The following EPHA3 variants were observed in gnomAD, a reference collection of about 807,000 sequenced individuals.
EPHA3 encodes ephrin type-A receptor 3.
Under a neutral mutation model 107.1 loss-of-function variants are expected in EPHA3, and 42 were observed. The observed-to-expected ratio is 0.39, with a 90% confidence interval of 0.31 to 0.51. The LOEUF (loss-of-function observed/expected upper bound fraction) is 0.51, where lower values mean the gene tolerates loss of function less well. Ranked by LOEUF, EPHA3 falls within the 20% of genes least tolerant of loss-of-function variation. The pLI is 0.78. For synonymous variants in EPHA3, 461 were observed against 424.8 expected (o/e 1.09, Z -1.05); for missense variants, 1,183 against 1,211.2 (o/e 0.98, Z 0.35).
intron 5 of EPHA3, among the ~76,000 whole-genome samples, chr3:89,394,887 A>G (rs766687859): frequency 3.9e-5 from 6 of 152,188 alleles, no homozygotes; most frequent in Non-Finnish European, 7.3e-5. Context: ...GGTGCCACTG[A>G]ACTCCAGTGA....
intron 6 of EPHA3, 135 bp downstream of exon 6, chr3:89,396,096 C>G: frequency 8.4e-7 from 1 of 1,194,928 alleles, no homozygotes; most frequent in Non-Finnish European, 1.1e-6. Flanking sequence ...CCTGTGACCC[C>G]TTTGATTTAT....
At chr3:89,152,391 C>T (rs1704708401) in intron 2 of EPHA3, among the ~76,000 whole-genome samples, 1 of 152,046 alleles carries the variant, frequency 6.6e-6, no homozygotes, top group African/African-American at 2.4e-5. Context: ...TCTCTTTCCA[C>T]CCACAACCTC....
chr3:89,343,680 C>T (rs1475022229), intron 5 of EPHA3, among the ~76,000 whole-genome samples: 1 of 152,156 alleles, frequency 6.6e-6, no homozygotes, highest in Non-Finnish European at 1.5e-5. Flanking sequence ...CTTCTGGTCT[C>T]ATATATTGAT....
intron 7 of EPHA3, among the ~76,000 whole-genome samples, chr3:89,402,361 TC>T (rs1306887926): frequency 6.6e-6 from 1 of 152,174 alleles, no homozygotes; most frequent in African/African-American, 2.4e-5. Context: ...TTTTTCTCCC[TC>T]CTCATTTATT....
chr3:89,147,999 A>C (rs149022928), intron 2 of EPHA3, among the ~76,000 whole-genome samples: 4 of 151,878 alleles, frequency 2.6e-5, no homozygotes, highest in African/African-American at 9.7e-5. Context: ...AAACACCATG[A>C]GAAAGAAAAA....
chr3:89,303,561 A>G (rs1369826294), intron 3 of EPHA3, among the ~76,000 whole-genome samples: 1 of 151,994 alleles, frequency 6.6e-6, no homozygotes, highest in East Asian at 1.9e-4. Context: ...ATATAGTTTT[A>G]TTATTCCTAC....
rs1706213232 is a variant in EPHA3 at position 89,291,848 on chromosome 3, C to T, written c.815-49068C>T. ...GGCTAAATGAAAATGTCTACTTCTT[C>T]AACAAACTTGTAATCTATGATCCTT... On this transcript the variant is annotated intron_variant, in intron 3 of 16. Coordinates refer to ENST00000336596, the MANE Select transcript of EPHA3 (RefSeq NM_005233.6). Among the ~76,000 whole-genome samples, 6 of 152,256 alleles carry T rather than the reference C, an allele frequency of 3.9e-5. No homozygotes were observed. In the South Asian group the frequency reaches 1.2e-3, roughly 32 times the overall value.
At chr3:89,320,707 C>A (rs902516891) in intron 3 of EPHA3, among the ~76,000 whole-genome samples, 2 of 151,870 alleles carry the variant, frequency 1.3e-5, no homozygotes, top group Admixed American at 1.3e-4. Flanking sequence ...TATTAGATTG[C>A]CAGCAATGAA....
At chr3:89,298,985 G>C (rs1261550299) in intron 3 of EPHA3, among the ~76,000 whole-genome samples, 1 of 151,890 alleles carries the variant, frequency 6.6e-6, no homozygotes, top group Non-Finnish European at 1.5e-5. Flanking sequence ...CTTTTATGCA[G>C]GTAAATGACA....
At chr3:89,165,897 T>C (rs570769129) in intron 2 of EPHA3, among the ~76,000 whole-genome samples, 1 of 152,324 alleles carries the variant, frequency 6.6e-6, no homozygotes, top group Admixed American at 6.5e-5. Context: ...GTGTTTTCAT[T>C]TTCCCAGAAC....
chr3:89,417,124 G>A (rs1206371988), intron 10 of EPHA3, among the ~76,000 whole-genome samples: 2 of 151,428 alleles, frequency 1.3e-5, no homozygotes, highest in African/African-American at 4.8e-5. Flanking sequence ...GTCTGGCACT[G>A]TTTCAAGTAC....
chr3:89,246,704 T>G lies in EPHA3; in HGVS notation c.814+36184T>G, dbSNP rs143818842. On this transcript the variant is annotated intron_variant, in intron 3 of 16. Coordinates refer to ENST00000336596, the MANE Select transcript of EPHA3 (RefSeq NM_005233.6). Reference sequence around the variant, plus strand: ...CATACTTTCAATAACTTTTCTTTGATAGAAATATGTATAATAGCTAAGGGA... The same window carrying G: ...CATACTTTCAATAACTTTTCTTTGAGAGAAATATGTATAATAGCTAAGGGA... Among the ~76,000 whole-genome samples the G allele has an allele frequency of 2.3e-4, 35 of 152,344 alleles. No homozygotes were observed. The East Asian group carries it at 6.6e-3, about 29-fold the overall frequency.
rs145264488 is a variant in EPHA3 at position 89,430,883 on chromosome 3, A to G, written c.2137-267A>G. On this transcript the variant is annotated intron_variant, in intron 12 of 16. Coordinates refer to ENST00000336596, the MANE Select transcript of EPHA3 (RefSeq NM_005233.6). The stretch of plus-strand genomic sequence containing the variant: ...GAGCAGGAGTTAGTTTTTTTGTCAC[A>G]TAAGGACCAGGAAAGTCCTTGCTTT... Among the ~76,000 whole-genome samples, 6 of 152,262 alleles carry G rather than the reference A, an allele frequency of 3.9e-5. No individual in the cohort carries two copies. The East Asian group carries it at 5.8e-4, about 15-fold the overall frequency.
chr3:89,480,725 TCTGTATCA>T lies in EPHA3; in HGVS notation c.*1227_*1234del, dbSNP rs1187715394. On this transcript the variant is annotated 3_prime_UTR_variant, in exon 17 of 17. Coordinates refer to ENST00000336596, the MANE Select transcript of EPHA3 (RefSeq NM_005233.6). ...AGAATGATGATAACAGAACTTTTCCTCTGTATCACTGGTGTTTAGGTGAATTAATTAAA... is the reference window on the plus strand; with the variant it reads ...AGAATGATGATAACAGAACTTTTCCTCTGGTGTTTAGGTGAATTAATTAAA... The T allele has an allele frequency of 4.3e-6, 1 of 232,658 alleles. No individual in the cohort carries two copies. Among genetic ancestry groups the T allele is most frequent in the African/African-American group, 2.2e-5 (1 of 45,312 alleles). 14.4% of individuals were successfully genotyped at this position (232,658 alleles called of 1,614,324 possible). A position where few individuals can be genotyped will look rare whatever the true frequency, so the allele number is the denominator to read the frequency against.
rs1708048001 is a variant in EPHA3 at position 89,359,759 on chromosome 3, AC to A, written c.1306+17670del. On this transcript the variant is annotated intron_variant, in intron 5 of 16. Coordinates refer to ENST00000336596, the MANE Select transcript of EPHA3 (RefSeq NM_005233.6). ...TATACACATATATACACATATATAC[AC>A]ATATATACACACATATATATACATA... Among the ~76,000 whole-genome samples, 2 of 144,582 alleles carry A rather than the reference AC, an allele frequency of 1.4e-5. 1 individual carries two copies. The highest frequency in any genetic ancestry group is 1.4e-4 in the Admixed American group (2 of 13,996). 94.9% of individuals were successfully genotyped at this position (144,582 alleles called of 152,430 possible).
At position 89,361,110 on chromosome 3, in the gene EPHA3, C is replaced by T. The variant is rs140436279; in HGVS notation, c.1306+19020C>T. ...TAAAATATTCATTTTCAGAATTTTA[C>T]CTAGAGTGCACATATGGTTTTTCAA... On this transcript the variant is annotated intron_variant, in intron 5 of 16. Coordinates refer to ENST00000336596, the MANE Select transcript of EPHA3 (RefSeq NM_005233.6). Among the ~76,000 whole-genome samples the T allele has an allele frequency of 2.5e-3, 374 of 150,916 alleles. 5 individuals carry two copies. The highest frequency in any genetic ancestry group is 8.6e-3 in the African/African-American group (355 of 41,370).
At chr3:89,300,926 A>G (rs1300296137) in intron 3 of EPHA3, among the ~76,000 whole-genome samples, 1 of 152,064 alleles carries the variant, frequency 6.6e-6, no homozygotes, top group African/African-American at 2.4e-5. Flanking sequence ...TTTGTGAGAC[A>G]TGGTTATAAA....
intron 9 of EPHA3, among the ~76,000 whole-genome samples, chr3:89,409,694 A>T (rs906553713): frequency 6.6e-6 from 1 of 152,080 alleles, no homozygotes; most frequent in Non-Finnish European, 1.5e-5. Context: ...CTGCATCTTA[A>T]TACTACAGCT....
Position 89,466,537 on chromosome 3 carries a change from G to A in EPHA3, c.2691-5927G>A, listed in dbSNP as rs1174427867. 2.2e-5 allele frequency among the ~76,000 whole-genome samples: 3 copies of A among 133,498 alleles called. 1 individual carries two copies. The highest frequency in any genetic ancestry group is 7.4e-5 in the Admixed American group (1 of 13,588). 87.6% of individuals were successfully genotyped at this position (133,498 alleles called of 152,430 possible). A position where few individuals can be genotyped will look rare whatever the true frequency, so the allele number is the denominator to read the frequency against. ...GGTGTGGGATATAGTCTTGTGGTGC[G>A]CCGTTTCTTAAGCCGGTCTGAAAAG... On this transcript the variant is annotated intron_variant, in intron 15 of 16. Coordinates refer to ENST00000336596, the MANE Select transcript of EPHA3 (RefSeq NM_005233.6).
Sources: gnomAD v4.1 joint callset for allele counts (sites outside exome capture counted in the v4.1 genomes callset) on GRCh38, gnomAD v4.1.1 for gene constraint, MANE v1.5 for transcripts, NCBI Gene and HGNC (gene_info 2026-07-23, HGNC 2026-07-21) for gene names.